Variants in RPTOR observed in about 807,000 individuals in gnomAD.
The protein encoded by RPTOR is regulatory-associated protein of mTOR.
Under a neutral mutation model 169.9 loss-of-function variants are expected in RPTOR, and 21 were observed. That is an observed-to-expected ratio of 0.12 (90% CI 0.09 to 0.18). RPTOR has a LOEUF of 0.18. RPTOR is among the 10% of genes least tolerant of loss of function. RPTOR has a pLI of 1.00. For missense variants in RPTOR, 1,133 were observed against 1,855.9 expected (o/e 0.61, Z 7.16); for synonymous variants, 732 against 753.2 (o/e 0.97, Z 0.46).
intron 6 of RPTOR, among the ~76,000 whole-genome samples, chr17:80,778,874 C>T (rs933923637): frequency 6.6e-6 from 1 of 152,230 alleles, no homozygotes; most frequent in African/African-American, 2.4e-5. Flanking sequence ...GAACAACTGT[C>T]GTGGCACCTC....
chr17:80,760,550 C>T (rs2066726468), intron 6 of RPTOR, among the ~76,000 whole-genome samples: 1 of 152,160 alleles, frequency 6.6e-6, no homozygotes, highest in Non-Finnish European at 1.5e-5. Flanking sequence ...GATCCGCCCG[C>T]CTCAGCCTTC....
At position 80,936,666 on chromosome 17, in the gene RPTOR, C is replaced by T. The variant is rs1233315393; in HGVS notation, c.2920-3830C>T. ...AAAACTGTGTGGAACTGTTCTATAT[C>T]TTCCACATTTATCAAAACTCCGCCT... On this transcript the variant is annotated intron_variant, in intron 24 of 33. Transcript: ENST00000306801. The surrounding 1 kb of genome is among the most constrained non-coding windows in gnomAD (Gnocchi z 4.1). Among the ~76,000 whole-genome samples, 2 of 152,216 alleles carry T rather than the reference C, an allele frequency of 1.3e-5. No homozygotes were observed. The highest frequency in any genetic ancestry group is 4.8e-5 in the African/African-American group (2 of 41,452).
intron 1 of RPTOR, among the ~76,000 whole-genome samples, chr17:80,551,611 A>G (rs367861641): frequency 6.6e-6 from 1 of 152,200 alleles, no homozygotes; most frequent in African/African-American, 2.4e-5. Flanking sequence ...GTTTTTCCCT[A>G]TCTCAGTAGA....
chr17:80,913,643 G>C (rs1173124125), intron 21 of RPTOR, among the ~76,000 whole-genome samples: 1 of 152,104 alleles, frequency 6.6e-6, no homozygotes. Context: ...TGTAGAGATG[G>C]GGTTTCACCA....
chr17:80,887,594 C>T (rs1255988924), intron 17 of RPTOR, among the ~76,000 whole-genome samples: 3 of 152,190 alleles, frequency 2.0e-5, no homozygotes, highest in African/African-American at 7.2e-5. Context: ...TGAGCCCGTC[C>T]TGAGCCTGCT....
At chr17:80,920,773 C>G (rs1437205012) in intron 21 of RPTOR, among the ~76,000 whole-genome samples, 1 of 152,258 alleles carries the variant, frequency 6.6e-6, no homozygotes, top group South Asian at 2.1e-4. Context: ...CAGAAGTTTT[C>G]TGTCTTCCCC....
chr17:80,770,555 G>A (rs1444372376), intron 6 of RPTOR, among the ~76,000 whole-genome samples: 1 of 152,156 alleles, frequency 6.6e-6, no homozygotes, highest in Non-Finnish European at 1.5e-5. Flanking sequence ...TGGACATGCA[G>A]GTTCAGGATC....
At chr17:80,781,957 A>C (rs2066946070) in intron 6 of RPTOR, among the ~76,000 whole-genome samples, 1 of 152,176 alleles carries the variant, frequency 6.6e-6, no homozygotes, top group African/African-American at 2.4e-5. Context: ...GCTTTGGGTC[A>C]CCAGGCGTGC....
At chr17:80,896,693 A>G (rs930564621) in intron 20 of RPTOR, among the ~76,000 whole-genome samples, 6 of 152,186 alleles carry the variant, frequency 3.9e-5, no homozygotes, top group African/African-American at 1.4e-4. Flanking sequence ...TGCTGTATAC[A>G]TTTCACAGTC....
chr17:80,760,649 C>T (rs2143367600), intron 6 of RPTOR, among the ~76,000 whole-genome samples: 1 of 152,264 alleles, frequency 6.6e-6, no homozygotes, highest in East Asian at 1.9e-4. Context: ...AGATTTGGCC[C>T]AGGAGCTATA....
chr17:80,551,751 C>T (rs1471265112), intron 1 of RPTOR, among the ~76,000 whole-genome samples: 1 of 152,136 alleles, frequency 6.6e-6, no homozygotes, highest in African/African-American at 2.4e-5. Flanking sequence ...TCAGCACAGA[C>T]CCTTTACGGG....
chr17:80,841,721 C>T (rs1345040228), intron 10 of RPTOR, among the ~76,000 whole-genome samples: 2 of 143,104 alleles, frequency 1.4e-5, no homozygotes, highest in South Asian at 4.5e-4. Flanking sequence ...GCAGCTCACT[C>T]TCACCACACC....
intron 17 of RPTOR, among the ~76,000 whole-genome samples, chr17:80,886,778 G>A (rs1003157207): frequency 9.2e-5 from 14 of 152,182 alleles, no homozygotes; most frequent in East Asian, 5.8e-4. Flanking sequence ...CGAGGACACC[G>A]TGGGGTTCGG....
intron 7 of RPTOR, among the ~76,000 whole-genome samples, chr17:80,796,067 C>T (rs540829106): frequency 3.3e-5 from 5 of 152,320 alleles, no homozygotes; most frequent in East Asian, 3.9e-4. Flanking sequence ...CCAGAGAGGC[C>T]GTGCTCTCGA....
At chr17:80,835,033 G>A (rs1399671911) in intron 9 of RPTOR, among the ~76,000 whole-genome samples, 1 of 152,198 alleles carries the variant, frequency 6.6e-6, no homozygotes, top group African/African-American at 2.4e-5. Context: ...CAATGCTGCT[G>A]AATACCATTT....
rs1005867061 is a variant in RPTOR at position 80,687,785 on chromosome 17, G to A, written c.349-20056G>A. ...CCTGAGATGGAGGCGTAGCTTCACC[G>A]TGTAGTGTTTAAGCTTTAAAACGTG... On this transcript the variant is annotated intron_variant, in intron 3 of 33. Coordinates refer to ENST00000306801, the MANE Select transcript of RPTOR (RefSeq NM_020761.3). Among the ~76,000 whole-genome samples the A allele has an allele frequency of 3.1e-4, 47 of 152,222 alleles. 1 individual carries two copies. Among genetic ancestry groups the A allele is most frequent in the African/African-American group, 1.1e-3 (46 of 41,448 alleles).
intron 2 of RPTOR, among the ~76,000 whole-genome samples, chr17:80,636,308 G>T (rs1202504493): frequency 6.6e-6 from 1 of 152,070 alleles, no homozygotes; most frequent in African/African-American, 2.4e-5. Context: ...CGACCCCTAC[G>T]TCACAGCGCC....
chr17:80,948,191 G>A (rs956364593), intron 27 of RPTOR, among the ~76,000 whole-genome samples: 3 of 152,218 alleles, frequency 2.0e-5, no homozygotes, highest in African/African-American at 7.2e-5. Context: ...GTCGGCCGCA[G>A]CCCCTGGACA....
At chr17:80,588,628 G>A (rs2065081395) in intron 1 of RPTOR, among the ~76,000 whole-genome samples, 1 of 152,102 alleles carries the variant, frequency 6.6e-6, no homozygotes, top group Admixed American at 6.5e-5. Flanking sequence ...TGGAAGTTCT[G>A]TTTTTCATTT....
Sources: allele counts gnomAD v4.1 joint callset (sites outside exome capture counted in the v4.1 genomes callset), GRCh38; gene constraint gnomAD v4.1.1; non-coding constraint Gnocchi (gnomAD v3.1); transcripts MANE v1.5; gene names NCBI Gene and HGNC (gene_info 2026-07-23, HGNC 2026-07-21).